Variants in TYW2 observed in about 807,000 individuals in gnomAD.
TYW2 encodes the protein tRNA wybutosine-synthesizing protein 2 homolog.
the TYW2 span, chr8:124,452,373 G>T: frequency 1.4e-5 from 17 of 1,257,628 alleles, 1 homozygote; most frequent in South Asian, 2.4e-4. Context: ...CTGGTGATCA[G>T]TTTTTTTCAT....
At chr8:124,451,247 T>C in the TYW2 span, 3 of 1,613,992 alleles carry the variant, frequency 1.9e-6, no homozygotes, top group African/African-American at 4.0e-5. Flanking sequence ...GCCCAAAAAT[T>C]GTGTCTTGAG....
the TYW2 span, chr8:124,451,340 G>A: frequency 1.1e-5 from 17 of 1,614,188 alleles, no homozygotes; most frequent in East Asian, 3.6e-4. Context: ...CAACGGCATG[G>A]TAATCTCTTG....
the TYW2 span, chr8:124,452,984 T>C: frequency 1.2e-5 from 2 of 166,754 alleles, no homozygotes; most frequent in African/African-American, 4.8e-5. Context: ...TCCTAAATGA[T>C]TGTGAGGGGT....
the TYW2 span, chr8:124,452,230 A>G: frequency 1.5e-5 from 25 of 1,614,096 alleles, no homozygotes; most frequent in Non-Finnish European, 2.1e-5. Context: ...TGTGGATCAC[A>G]TAGTCCTGGA....
At chr8:124,452,625 A>G in the TYW2 span, 68 of 248,870 alleles carry the variant, frequency 2.7e-4, 1 homozygote, top group East Asian at 6.6e-3. Context: ...TCACGTGACT[A>G]TTAAGCAACT....
chr8:124,452,299 G>A, the TYW2 span: 6 of 1,603,632 alleles, frequency 3.7e-6, no homozygotes, highest in African/African-American at 8.0e-5. Context: ...GGGACACATG[G>A]GATCCACGTG....
chr8:124,451,137 C>T, the TYW2 span: 152 of 1,614,032 alleles, frequency 9.4e-5, no homozygotes, highest in South Asian at 1.5e-3. Flanking sequence ...CAGAGCAGCA[C>T]CTGCAGGAGC....
At chr8:124,451,088 A>G in the TYW2 span, 1 of 1,614,216 alleles carries the variant, frequency 6.2e-7, no homozygotes, top group Non-Finnish European at 8.5e-7. Flanking sequence ...AAGATGCCGG[A>G]TGGCTCGGTG....
At chr8:124,451,534 G>A in the TYW2 span, 2 of 1,614,180 alleles carry the variant, frequency 1.2e-6, no homozygotes, top group South Asian at 2.2e-5. Flanking sequence ...AGAGCATGTG[G>A]ATAATGGTAT....
the TYW2 span, chr8:124,450,872 G>C: frequency 1.3e-6 from 2 of 1,550,976 alleles, no homozygotes; most frequent in Non-Finnish European, 8.7e-7. Context: ...ATTTAAGACC[G>C]GGAATTTAGT....
chr8:124,452,932 CA>C, the TYW2 span: 1 of 166,996 alleles, frequency 6.0e-6, no homozygotes, highest in Non-Finnish European at 1.5e-5. Context: ...GAGAAGGGAA[CA>C]AAAATTATTT....
At chr8:124,451,945 G>T in the TYW2 span, 1 of 1,614,190 alleles carries the variant, frequency 6.2e-7, no homozygotes, top group Non-Finnish European at 8.5e-7. Flanking sequence ...CCAAAATGTG[G>T]AATCTTTCCC....
the TYW2 span, chr8:124,452,302 T>C: frequency 6.2e-7 from 1 of 1,602,636 alleles, no homozygotes; most frequent in Non-Finnish European, 8.5e-7. Flanking sequence ...ACACATGGGA[T>C]CCACGTGCGA....
the TYW2 span, chr8:124,452,278 A>G: frequency 6.2e-7 from 1 of 1,611,744 alleles, no homozygotes; most frequent in Non-Finnish European, 8.5e-7. Flanking sequence ...TGGCTAGAGG[A>G]GGTAGATCCT....
chr8:124,452,301 A>G, the TYW2 span: 1 of 1,602,978 alleles, frequency 6.2e-7, no homozygotes, highest in East Asian at 2.2e-5. Flanking sequence ...GACACATGGG[A>G]TCCACGTGCG....
the TYW2 span, chr8:124,452,190 C>T: frequency 6.2e-7 from 1 of 1,614,116 alleles, no homozygotes; most frequent in Non-Finnish European, 8.5e-7. Context: ...AAATTCTGCA[C>T]ATCCAACCAG....
At chr8:124,451,885 A>G in the TYW2 span, 7 of 1,614,076 alleles carry the variant, frequency 4.3e-6, no homozygotes, top group African/African-American at 9.3e-5. Context: ...AGGCTGGCCC[A>G]TTGCCTGCCA....
chr8:124,451,510 G>A, the TYW2 span: 1 of 1,614,084 alleles, frequency 6.2e-7, no homozygotes, highest in Non-Finnish European at 8.5e-7. Flanking sequence ...GCTGCTGGGT[G>A]ACCATGGCTG....
At chr8:124,452,124 A>G in the TYW2 span, 2 of 1,614,266 alleles carry the variant, frequency 1.2e-6, no homozygotes, top group East Asian at 2.2e-5. Context: ...CAGAATCTGC[A>G]GAAACTCGAA....
Sources: allele counts gnomAD v4.1 joint callset, GRCh38; gene constraint gnomAD v4.1.1; transcripts MANE v1.5; gene names NCBI Gene and HGNC (gene_info 2026-07-23, HGNC 2026-07-21).